Variants in PLOD1 observed in about 807,000 individuals in gnomAD.
The protein encoded by PLOD1 is lysine hydroxylase.
PLOD1 carries 70 observed loss-of-function variants against 94.7 expected under a neutral mutation model. The ratio of observed to expected loss-of-function variants is 0.74; its 90% CI spans 0.61 to 0.90. The LOEUF is 0.90. Ranked by LOEUF, PLOD1 falls within the 40% of genes least tolerant of loss-of-function variation. The pLI is 0.00. For synonymous variants in PLOD1, 417 were observed against 400.2 expected (o/e 1.04, Z -0.50); for missense variants, 905 against 972.7 (o/e 0.93, Z 0.93).
intron 1 of PLOD1, chr1:11,944,535 A>T: frequency 7.4e-7 from 1 of 1,347,656 alleles, no homozygotes; most frequent in Non-Finnish European, 9.9e-7. Context: ...CCTGTTGCCA[A>T]GAGGGCCTCA....
rs750253334 is a variant in PLOD1, at chr1:11,966,970, G to A, written c.1651-17G>A. ...TGCCACTGTGGACCCCCTTGACTGA[G>A]TCCCTGCCCTCCCCAGCCCTGCCCG... is the stretch of plus-strand genomic sequence containing the variant. On this transcript the variant is annotated splice_polypyrimidine_tract_variant and intron_variant, in intron 15 of 18. Coordinates refer to ENST00000196061, the MANE Select transcript of PLOD1 (RefSeq NM_000302.4). 2 of 1,520,160 alleles carry A rather than the reference G, an allele frequency of 1.3e-6. No individual in the cohort carries two copies. Among genetic ancestry groups the A allele is most frequent in the African/African-American group, 2.7e-5 (2 of 73,066 alleles). The allele number at this position is 1,520,160 out of a possible 1,614,324, so 94.2% of individuals were successfully genotyped here.
intron 1 of PLOD1, among the ~76,000 whole-genome samples, chr1:11,947,534 C>T (rs1313562382): frequency 2.0e-5 from 3 of 152,166 alleles, no homozygotes. Flanking sequence ...CATGCCACTG[C>T]ACTCCAGCCT....
Position 11,943,437 on chromosome 1 carries a change from C to T in PLOD1, c.77-4539C>T, listed in dbSNP as rs371497355. 9.2e-5 allele frequency among the ~76,000 whole-genome samples: 14 copies of T among 152,060 alleles called. 1 individual carries two copies. Among genetic ancestry groups the T allele is most frequent in the East Asian group, 5.8e-4 (3 of 5,168 alleles). The stretch of plus-strand genomic sequence containing the variant: ...TGAGCCTCACGAGTAGTTGGGATTA[C>T]AGGCATGTGCCACCACGCCCGGCTA... On this transcript the variant is annotated intron_variant, in intron 1 of 18. Transcript: ENST00000196061.
chr1:11,956,315 C>T (rs1490793206), intron 6 of PLOD1, among the ~76,000 whole-genome samples: 1 of 151,966 alleles, frequency 6.6e-6, no homozygotes, highest in Non-Finnish European at 1.5e-5. Context: ...ACCTGGGAGG[C>T]GGAGGTTGCA....
At chr1:11,970,084 T>C (rs1041794335) in intron 16 of PLOD1, among the ~76,000 whole-genome samples, 1 of 134,748 alleles carries the variant, frequency 7.4e-6, no homozygotes, top group Non-Finnish European at 1.6e-5. Context: ...CTACTAAAAA[T>C]ACAAAAAAAA....
At chr1:11,966,448 G>A in intron 15 of PLOD1, 132 bp downstream of exon 15, 1 of 390,412 alleles carries the variant, frequency 2.6e-6, no homozygotes, top group Non-Finnish European at 5.2e-6. Context: ...GGGAGTTGGG[G>A]GGCGGCAGGA....
At chr1:11,952,334 C>A (rs1003380771) in intron 4 of PLOD1, among the ~76,000 whole-genome samples, 7 of 152,210 alleles carry the variant, frequency 4.6e-5, no homozygotes, top group African/African-American at 1.7e-4. Context: ...TCGTACAATC[C>A]GTTTCTTCAC....
chr1:11,967,675 G>GTTT (rs1645831532), intron 16 of PLOD1, among the ~76,000 whole-genome samples: 1 of 129,164 alleles, frequency 7.7e-6, no homozygotes, highest in African/African-American at 3.1e-5. Context: ...TTAAATAATA[G>GTTT]AGACGGGGTC....
In PLOD1 at chr1:11,934,870, G is replaced by T. The variant is rs1427452861; in HGVS notation, c.76+15G>T. ...CAAGCCGGAGGGTGAGGGAGCGAAG[G>T]CCGGGGGCGGGAGCGCGGATCCGGG... On this transcript the variant is annotated intron_variant, in intron 1 of 18. Coordinates refer to ENST00000196061, the MANE Select transcript of PLOD1 (RefSeq NM_000302.4). 6 of 1,534,162 alleles carry T rather than the reference G, an allele frequency of 3.9e-6. No homozygotes were observed. The highest frequency in any genetic ancestry group is 3.5e-6 in the Non-Finnish European group (4 of 1,143,984).
chr1:11,938,826 G>A (rs1349313746), intron 1 of PLOD1, among the ~76,000 whole-genome samples: 2 of 152,214 alleles, frequency 1.3e-5, no homozygotes, highest in South Asian at 2.1e-4. Flanking sequence ...ATGAGAGGGG[G>A]GTACAGAGCA....
Position 11,964,805 on chromosome 1 carries a change from C to T in PLOD1, c.1470+20C>T. 6.2e-7 allele frequency: 1 copy of T among 1,613,050 alleles called. No homozygotes were observed. The highest frequency in any genetic ancestry group is 2.2e-5 in the East Asian group (1 of 44,884). On this transcript the variant is annotated intron_variant, in intron 13 of 18. Coordinates refer to ENST00000196061, the MANE Select transcript of PLOD1 (RefSeq NM_000302.4). ...CAGCAGGTCAGCCAGGAGCGGGCAG[C>T]ACAGGACGCCCTCTGGATGGGGCAG...
chr1:11,944,434 C>A (rs1645635565), intron 1 of PLOD1: 2 of 785,810 alleles, frequency 2.5e-6, no homozygotes, highest in Non-Finnish European at 3.8e-6. Flanking sequence ...CACACACACA[C>A]ACACACACAC....
rs1366667529 is a variant in PLOD1, at chr1:11,958,030, C to T, written c.843+87C>T. 13 of 933,182 alleles carry T rather than the reference C, an allele frequency of 1.4e-5. No homozygotes were observed. The highest frequency in any genetic ancestry group is 1.8e-5 in the Non-Finnish European group (10 of 563,686). 57.8% of individuals were successfully genotyped at this position (933,182 alleles called of 1,614,324 possible). A position where few individuals can be genotyped will look rare whatever the true frequency, so the allele number is the denominator to read the frequency against. On this transcript the variant is annotated intron_variant, in intron 8 of 18. Transcript: ENST00000196061. The surrounding 1 kb of genome is among the most constrained non-coding windows in gnomAD (Gnocchi z 4.3). ...AGATGGGTGATTCTGGAATAGACTC[C>T]ATTGTCTTTGGTGGAAAGTGAAGGG...
At chr1:11,951,715 C>T (rs1373906525) in intron 4 of PLOD1, among the ~76,000 whole-genome samples, 2 of 149,838 alleles carry the variant, frequency 1.3e-5, no homozygotes, top group Non-Finnish European at 3.0e-5. Flanking sequence ...GTCAGGAGAT[C>T]GAGACCATCC....
At chr1:11,962,823 C>CTGAAGG (rs1429983468) in intron 10 of PLOD1, among the ~76,000 whole-genome samples, 1 of 151,848 alleles carries the variant, frequency 6.6e-6, no homozygotes, top group African/African-American at 2.4e-5. Flanking sequence ...GGCAGATCAC[C>CTGAAGG]TGAAGTCAGG....
At position 11,958,554 on chromosome 1, in the gene PLOD1, C is replaced by T. The variant is rs747668784; in HGVS notation, c.882C>T (p.Ile294=). 38 of 1,613,906 alleles carry T rather than the reference C, an allele frequency of 2.4e-5. No individual in the cohort carries two copies. The highest frequency in any genetic ancestry group is 5.5e-5 in the South Asian group (5 of 91,044). ...CCACGGTCCTGGTCGGCGTGTTCAT[C>T]GAACAGCCCACGCCGTTTGTGTCCC... The part of the protein sequence containing the change: ...ALPTVLVGVF[I]EQPTPFVSLF... The change falls in exon 9 of 19, where the codon ATC becomes ATT. Residue 294 remains isoleucine, a synonymous_variant. Transcript: ENST00000196061. This position sits in a 1 kb window ranked among gnomAD's most constrained non-coding sequence, Gnocchi z 4.3.
In PLOD1 at chr1:11,975,342, C is replaced by G; in HGVS notation, c.*534C>G. On this transcript the variant is annotated 3_prime_UTR_variant, in exon 19 of 19. Transcript: ENST00000196061. Reference sequence around the variant, plus strand: ...CTGGTCATGAGAGCAAACCGTAGTCCCCTGGAGACAGCGACTCCAGAGAAC... The same window carrying G: ...CTGGTCATGAGAGCAAACCGTAGTCGCCTGGAGACAGCGACTCCAGAGAAC... The G allele has an allele frequency of 1.4e-5, 3 of 213,356 alleles. No homozygotes were observed. The highest frequency in any genetic ancestry group is 7.8e-5 in the South Asian group (1 of 12,820). 13.2% of individuals were successfully genotyped at this position (213,356 alleles called of 1,614,324 possible).
Position 11,970,756 on chromosome 1 carries a change from A to AT in PLOD1, c.1844dup (p.Leu616ProfsTer23). 6.2e-7 allele frequency: 1 copy of AT among 1,611,540 alleles called. No homozygotes were observed. Among genetic ancestry groups the AT allele is most frequent in the Non-Finnish European group, 8.5e-7 (1 of 1,179,652 alleles). On this transcript the variant is annotated frameshift_variant, in exon 17 of 19. Coordinates refer to ENST00000196061, the MANE Select transcript of PLOD1 (RefSeq NM_000302.4). LOFTEE classifies it high-confidence loss of function. ...TCGGCTTTGAGCGGGAGTGGCACAA[A>AT]TTCCTGCTGGAGTACATTGCGCCCA...
intron 1 of PLOD1, among the ~76,000 whole-genome samples, chr1:11,943,375 C>T (rs975278236): frequency 9.9e-5 from 15 of 151,648 alleles, no homozygotes; most frequent in Non-Finnish European, 1.9e-4. Flanking sequence ...CTGCTCACTG[C>T]AGCCGCCACC....
Sources: gnomAD v4.1 joint callset for allele counts (sites outside exome capture counted in the v4.1 genomes callset) on GRCh38, gnomAD v4.1.1 for gene constraint, Gnocchi (gnomAD v3.1) non-coding constraint, MANE v1.5 for transcripts, NCBI Gene and HGNC (gene_info 2026-07-23, HGNC 2026-07-21) for gene names.